BAX: variants seen among roughly 807,000 people sequenced by gnomAD.
BAX encodes the protein apoptosis regulator BAX.
In BAX, 21 loss-of-function variants were observed where a neutral mutation model predicts 26.8. That is an observed-to-expected ratio of 0.78 (90% CI 0.56 to 1.13). BAX has a LOEUF of 1.13. Among genes scored for constraint, BAX ranks in the 50% most tolerant of loss-of-function variants. The probability of loss-of-function intolerance (pLI) is 0.00; values close to 1 mark genes in which losing one functional copy is unlikely to be tolerated. For synonymous variants in BAX, 110 were observed against 101.8 expected (o/e 1.08, Z -0.49); for missense variants, 236 against 254.6 (o/e 0.93, Z 0.50).
chr19:48,957,655 T>C (rs1173723165), intron 4 of BAX, among the ~76,000 whole-genome samples: 1 of 152,176 alleles, frequency 6.6e-6, no homozygotes, highest in African/African-American at 2.4e-5. Flanking sequence ...ACCTGATTTA[T>C]AACTTTAAGA....
Position 48,954,916 on chromosome 19 carries a change from G to T in BAX, c.-13G>T. On this transcript the variant is annotated 5_prime_UTR_variant, in exon 1 of 6. Transcript: ENST00000345358. Reference sequence around the variant, plus strand: ...CGCGGACCCGGCGAGAGGCGGCGGCGGGAGCGGCGGTGATGGACGGGTCCG... The same window carrying T: ...CGCGGACCCGGCGAGAGGCGGCGGCTGGAGCGGCGGTGATGGACGGGTCCG... The T allele has an allele frequency of 3.2e-6, 4 of 1,235,102 alleles. No individual in the cohort carries two copies. The highest frequency in any genetic ancestry group is 4.0e-6 in the Non-Finnish European group (4 of 988,838). 76.5% of individuals were successfully genotyped at this position (1,235,102 alleles called of 1,614,324 possible). A position where few individuals can be genotyped will look rare whatever the true frequency, so the allele number is the denominator to read the frequency against.
At chr19:48,960,272 C>T in intron 4 of BAX, 2 of 440,124 alleles carry the variant, frequency 4.5e-6, no homozygotes, top group South Asian at 3.2e-5. Context: ...GGGCTCACTG[C>T]AACCTCTGCC....
At chr19:48,960,724 A>T in intron 4 of BAX, 86 bp from the exon 5 acceptor site, 2 of 1,200,184 alleles carry the variant, frequency 1.7e-6, no homozygotes, top group Non-Finnish European at 2.3e-6. Context: ...AGGGGAGGCA[A>T]AGAATTGACA....
chr19:48,956,014 C>A, intron 3 of BAX, 181 bp downstream of exon 3: 1 of 1,127,394 alleles, frequency 8.9e-7, no homozygotes, highest in Non-Finnish European at 1.2e-6. Context: ...TTCAGGGAGT[C>A]ATTTTTCCCA....
chr19:48,961,157 T>C (rs1486495703), intron 5 of BAX: 11 of 1,531,644 alleles, frequency 7.2e-6, no homozygotes, highest in East Asian at 2.3e-5. Context: ...CACTGTGACC[T>C]TGACTTGATT....
intron 4 of BAX, among the ~76,000 whole-genome samples, chr19:48,957,491 T>C (rs1600105897): frequency 6.6e-6 from 1 of 151,396 alleles, no homozygotes; most frequent in African/African-American, 2.4e-5. Flanking sequence ...GCCAGGCTGG[T>C]CTCAAACTCC....
chr19:48,960,988 C>A, intron 5 of BAX, 74 bp downstream of exon 5: 1 of 1,613,080 alleles, frequency 6.2e-7, no homozygotes, highest in South Asian at 1.1e-5. Flanking sequence ...TCCCTGCCCC[C>A]CGCCACTCCT....
chr19:48,957,854 G>T (rs1474064848), intron 4 of BAX, among the ~76,000 whole-genome samples: 1 of 152,134 alleles, frequency 6.6e-6, no homozygotes. Context: ...GTTAATTGTA[G>T]AATCTAATTA....
chr19:48,956,373 C>A, intron 4 of BAX, 40 bp downstream of exon 4: 1 of 1,484,988 alleles, frequency 6.7e-7, no homozygotes, highest in South Asian at 1.4e-5. Flanking sequence ...GATGCTCCCC[C>A]TCAGATCTGT....
intron 4 of BAX, among the ~76,000 whole-genome samples, chr19:48,959,187 A>T (rs1027224361): frequency 5.3e-5 from 8 of 151,464 alleles, no homozygotes; most frequent in Non-Finnish European, 1.0e-4. Context: ...CGTCTCTACT[A>T]AAAATACAAA....
chr19:48,960,940 C>A, intron 5 of BAX, 26 bp downstream of exon 5: 4 of 1,613,438 alleles, frequency 2.5e-6, no homozygotes, highest in Non-Finnish European at 3.4e-6. Context: ...CCTCCTCACC[C>A]CCACCACCGC....
chr19:48,959,524 A>G (rs2038271164), intron 4 of BAX, among the ~76,000 whole-genome samples: 2 of 147,714 alleles, frequency 1.4e-5, no homozygotes, highest in South Asian at 4.3e-4. Flanking sequence ...AAAAAAAAAA[A>G]AAAAATGGGG....
Position 48,954,887 on chromosome 19 carries a change from C to A in BAX, c.-42C>A. On this transcript the variant is annotated 5_prime_UTR_variant, in exon 1 of 6. Transcript: ENST00000345358. ...ACGTGACCCGGGCGCGCTGCGGCCGCCCGCGCGGACCCGGCGAGAGGCGGC... is the reference window on the plus strand; with the variant it reads ...ACGTGACCCGGGCGCGCTGCGGCCGACCGCGCGGACCCGGCGAGAGGCGGC... The A allele has an allele frequency of 8.2e-7, 1 of 1,226,700 alleles. No individual in the cohort carries two copies. The highest frequency in any genetic ancestry group is 1.0e-6 in the Non-Finnish European group (1 of 984,288). The allele number at this position is 1,226,700 out of a possible 1,614,324, so 76.0% of individuals were successfully genotyped here.
At chr19:48,958,111 G>A (rs1486891968) in intron 4 of BAX, among the ~76,000 whole-genome samples, 2 of 150,058 alleles carry the variant, frequency 1.3e-5, no homozygotes, top group Non-Finnish European at 3.0e-5. Flanking sequence ...TTTTTTAAGA[G>A]GTAGGGTCTT....
rs1239527806 is a variant in BAX, at chr19:48,961,775, G to A, written c.*139G>A. 15 of 757,374 alleles carry A rather than the reference G, an allele frequency of 2.0e-5. No homozygotes were observed. The highest frequency in any genetic ancestry group is 3.0e-5 in the Non-Finnish European group (14 of 472,294). The allele number at this position is 757,374 out of a possible 1,614,324, so 46.9% of individuals were successfully genotyped here. ...TGTGGGGAAGAGTGGTCTTGAGGGG[G>A]TAATAAACCTCCTTCGGGACACACT... On this transcript the variant is annotated 3_prime_UTR_variant, in exon 6 of 6. Transcript: ENST00000345358.
At chr19:48,960,705 A>G in intron 4 of BAX, 105 bp from the exon 5 acceptor site, 1 of 1,046,808 alleles carries the variant, frequency 9.6e-7, no homozygotes, top group Non-Finnish European at 1.4e-6. Context: ...TGGGTGGCAG[A>G]AATCTTTGAG....
rs2038347627 is a variant in BAX, at chr19:48,961,231, C to T, written c.475-301C>T. ...GAATTGCTCAAGTTCATTGATGACCCTCTGACCCTAGCTCTTTCCTTTTTT... is the reference window on the plus strand; with the variant it reads ...GAATTGCTCAAGTTCATTGATGACCTTCTGACCCTAGCTCTTTCCTTTTTT... On this transcript the variant is annotated intron_variant, in intron 5 of 5. Coordinates refer to ENST00000345358, the MANE Select transcript of BAX (RefSeq NM_138761.4). 2.8e-6 allele frequency: 4 copies of T among 1,453,996 alleles called. No homozygotes were observed. In the African/African-American group the frequency reaches 5.7e-5, roughly 21 times the overall value. 90.1% of individuals were successfully genotyped at this position (1,453,996 alleles called of 1,614,324 possible). A position where few individuals can be genotyped will look rare whatever the true frequency, so the allele number is the denominator to read the frequency against.
chr19:48,958,004 C>T (rs2038204835), intron 4 of BAX, among the ~76,000 whole-genome samples: 1 of 151,862 alleles, frequency 6.6e-6, no homozygotes, highest in South Asian at 2.1e-4. Flanking sequence ...GGCACAAGGG[C>T]AGAAGCGAGG....
At chr19:48,955,492 C>T in intron 1 of BAX, 56 bp from the exon 2 acceptor site, 1 of 1,571,202 alleles carries the variant, frequency 6.4e-7, no homozygotes, top group Admixed American at 1.8e-5. Flanking sequence ...TCCACAGTCT[C>T]CTGATCCCCT....
Sources: allele counts gnomAD v4.1 joint callset (sites outside exome capture counted in the v4.1 genomes callset), GRCh38; gene constraint gnomAD v4.1.1; transcripts MANE v1.5; gene names NCBI Gene and HGNC (gene_info 2026-07-23, HGNC 2026-07-21).